Variants in TMIGD3 observed in about 807,000 individuals in gnomAD.
TMIGD3 encodes AD026 protein (AD026).
A neutral mutation model predicts 28.1 loss-of-function variants in TMIGD3; 21 were observed. That is an observed-to-expected ratio of 0.75 (90% CI 0.53 to 1.08). The LOEUF is 1.08. Among genes scored for constraint, TMIGD3 ranks in the 50% least tolerant of loss-of-function variants. The pLI is 0.00. For synonymous variants in TMIGD3, 151 were observed against 162.1 expected (o/e 0.93, Z 0.52); for missense variants, 416 against 435.6 (o/e 0.96, Z 0.40).
At chr1:111,504,738 G>T (rs534340571), upstream of TMIGD3, 2 of 353,128 alleles carry the variant, frequency 5.7e-6, no homozygotes, top group South Asian at 1.1e-4. Flanking sequence ...GGGGCATAAG[G>T]GAGACGCCTC....
At chr1:111,526,559 A>G (rs1358896081) in intron 1 of TMIGD3, among the ~76,000 whole-genome samples, 1 of 152,210 alleles carries the variant, frequency 6.6e-6, no homozygotes, top group Non-Finnish European at 1.5e-5. Context: ...TGTCTTTATT[A>G]GCAGCATGAA....
At chr1:111,500,856 T>A in intron 1 of TMIGD3, 3 of 488,164 alleles carry the variant, frequency 6.1e-6, no homozygotes, top group East Asian at 3.0e-5. Flanking sequence ...AGTCAAGTGC[T>A]TACGTGCTCC....
upstream of TMIGD3, among the ~76,000 whole-genome samples, chr1:111,506,913 T>TATAA (rs10653520): frequency 1.6e-5 from 2 of 121,880 alleles, no homozygotes; most frequent in East Asian, 2.6e-4. Context: ...TATATATATA[T>TATAA]TATATATATA....
chr1:111,518,703 CTAG>C (rs1373583024), intron 1 of TMIGD3, among the ~76,000 whole-genome samples: 2 of 152,218 alleles, frequency 1.3e-5, no homozygotes, highest in Non-Finnish European at 2.9e-5. Context: ...ATGCTCTCTC[CTAG>C]TTCCTAAATA....
chr1:111,543,865 G>T (rs1380484530), intron 1 of TMIGD3, among the ~76,000 whole-genome samples: 2 of 152,160 alleles, frequency 1.3e-5, no homozygotes, highest in Non-Finnish European at 2.9e-5. Flanking sequence ...TTATTTTAAA[G>T]GATTGGGCCT....
intron 1 of TMIGD3, among the ~76,000 whole-genome samples, chr1:111,559,417 G>A (rs1485834116): frequency 6.6e-6 from 1 of 152,108 alleles, no homozygotes; most frequent in Non-Finnish European, 1.5e-5. Context: ...ATGAAACTTA[G>A]TGCCTCCAAA....
chr1:111,561,100 C>A (rs6693944), intron 1 of TMIGD3, among the ~76,000 whole-genome samples: 12 of 152,064 alleles, frequency 7.9e-5, no homozygotes, highest in African/African-American at 2.7e-4. Flanking sequence ...TTCAAAGCTC[C>A]TCCCTACACA....
intron 2 of TMIGD3, 110 bp from the exon 3 acceptor site, chr1:111,489,134 C>A: frequency 9.1e-7 from 1 of 1,096,710 alleles, no homozygotes; most frequent in Non-Finnish European, 1.3e-6. Flanking sequence ...GAATCGGAGG[C>A]TGATTTTTGC....
upstream of TMIGD3, chr1:111,503,793 C>G (rs527387896): frequency 9.9e-7 from 1 of 1,005,936 alleles, no homozygotes; most frequent in African/African-American, 1.7e-5. Context: ...GCTCAGAACT[C>G]TCAGCAAAAA....
chr1:111,531,891 A>G (rs1656470240), intron 1 of TMIGD3, among the ~76,000 whole-genome samples: 1 of 152,042 alleles, frequency 6.6e-6, no homozygotes, highest in Non-Finnish European at 1.5e-5. Flanking sequence ...GAACATAGTT[A>G]TGTTACTTTT....
At chr1:111,517,794 T>G (rs1217861159) in intron 1 of TMIGD3, among the ~76,000 whole-genome samples, 1 of 152,228 alleles carries the variant, frequency 6.6e-6, no homozygotes, top group Non-Finnish European at 1.5e-5. Context: ...TTTCTACTGC[T>G]GCATGGATTA....
At chr1:111,521,801 C>T (rs1385398760) in intron 1 of TMIGD3, among the ~76,000 whole-genome samples, 6 of 152,102 alleles carry the variant, frequency 3.9e-5, no homozygotes, top group Non-Finnish European at 7.4e-5. Context: ...ATATTTTGTG[C>T]TTTTGTGTTA....
intron 1 of TMIGD3, among the ~76,000 whole-genome samples, chr1:111,529,104 A>T (rs944815001): frequency 6.6e-6 from 1 of 150,804 alleles, no homozygotes; most frequent in Non-Finnish European, 1.5e-5. Context: ...TTTATTTTTT[A>T]TTTTTTTTAT....
intron 1 of TMIGD3, among the ~76,000 whole-genome samples, chr1:111,560,907 T>C (rs1414586601): frequency 6.6e-6 from 1 of 152,192 alleles, no homozygotes; most frequent in Non-Finnish European, 1.5e-5. Flanking sequence ...TGTAGCCCAA[T>C]TTGCTCTTCC....
chr1:111,536,931 G>C (rs1656659967), intron 1 of TMIGD3, among the ~76,000 whole-genome samples: 1 of 152,106 alleles, frequency 6.6e-6, no homozygotes, highest in Admixed American at 6.5e-5. Flanking sequence ...CATTATGTCT[G>C]GCCAATCTTC....
At chr1:111,502,965 C>A in intron 1 of TMIGD3, 40 bp downstream of exon 1, 1 of 1,600,900 alleles carries the variant, frequency 6.2e-7, no homozygotes, top group African/African-American at 1.3e-5. Flanking sequence ...CCTCATTTCC[C>A]AGCTGCCTCA....
chr1:111,509,720 A>C (rs1199940236), intron 1 of TMIGD3, among the ~76,000 whole-genome samples: 1 of 152,266 alleles, frequency 6.6e-6, no homozygotes, highest in Non-Finnish European at 1.5e-5. Context: ...CTCCTACTGC[A>C]CAAGGTCATT....
At chr1:111,506,998 TAC>T, upstream of TMIGD3, among the ~76,000 whole-genome samples, 1 of 128,400 alleles carries the variant, frequency 7.8e-6, no homozygotes, top group South Asian at 2.4e-4. Flanking sequence ...TATACATATA[TAC>T]ACACACATAT....
chr1:111,552,414 G>T (rs758489693), intron 1 of TMIGD3, among the ~76,000 whole-genome samples: 10 of 152,156 alleles, frequency 6.6e-5, no homozygotes, highest in Non-Finnish European at 1.3e-4. Context: ...TGTTCCCTGA[G>T]TTGCTGCAAG....
Sources: allele counts gnomAD v4.1 joint callset (sites outside exome capture counted in the v4.1 genomes callset), GRCh38; gene constraint gnomAD v4.1.1; transcripts MANE v1.5; gene names NCBI Gene and HGNC (gene_info 2026-07-23, HGNC 2026-07-21).